NDUFA10: variants seen among roughly 807,000 people sequenced by gnomAD.
NDUFA10 encodes the protein NADH:ubiquinone oxidoreductase subunit A10.
In NDUFA10, 40 loss-of-function variants were observed where a neutral mutation model predicts 47.8. The ratio of observed to expected loss-of-function variants is 0.84; its 90% CI spans 0.65 to 1.09. The LOEUF (loss-of-function observed/expected upper bound fraction) is 1.09, where lower values mean the gene tolerates loss of function less well. NDUFA10 is among the 50% of genes least tolerant of loss of function. NDUFA10 has a pLI of 0.00. For missense variants in NDUFA10, 413 were observed against 451.1 expected, an observed-to-expected ratio of 0.92 and a Z score of 0.76; for synonymous variants, 183 against 172.2, an observed-to-expected ratio of 1.06 and a Z score of -0.49.
chr2:239,900,315 C>CATATATATAT (rs142452963), intron 4 of NDUFA10, among the ~76,000 whole-genome samples: 51 of 142,686 alleles, frequency 3.6e-4, no homozygotes, highest in African/African-American at 5.3e-4. Flanking sequence ...AACTCCCCTT[C>CATATATATAT]ATATATATAT....
intron 4 of NDUFA10, among the ~76,000 whole-genome samples, chr2:239,951,998 C>G (rs1367559774): frequency 6.6e-6 from 1 of 152,196 alleles, no homozygotes. Flanking sequence ...GGTGCTGTGG[C>G]ATGGGTCCTG....
intron 4 of NDUFA10, among the ~76,000 whole-genome samples, chr2:239,947,126 C>A (rs544161748): frequency 1.5e-4 from 23 of 152,316 alleles, no homozygotes; most frequent in Non-Finnish European, 2.8e-4. Flanking sequence ...TGCAGTGCAG[C>A]CCCTTCCTCA....
At chr2:239,923,705 A>G (rs1289368883) in intron 4 of NDUFA10, among the ~76,000 whole-genome samples, 1 of 152,160 alleles carries the variant, frequency 6.6e-6, no homozygotes, top group Non-Finnish European at 1.5e-5. Context: ...TAAGCTAGGA[A>G]AAAGGGCACA....
chr2:239,900,315 C>CATATATATATATATATATAT (rs142452963), intron 4 of NDUFA10, among the ~76,000 whole-genome samples: 8 of 142,634 alleles, frequency 5.6e-5, no homozygotes, highest in African/African-American at 2.1e-4. Flanking sequence ...AACTCCCCTT[C>CATATATATATATATATATAT]ATATATATAT....
chr2:239,974,470 G>A (rs6714823), intron 9 of NDUFA10, among the ~76,000 whole-genome samples: 2,316 of 152,318 alleles, frequency 0.015, 49 homozygotes, highest in African/African-American at 0.053. Flanking sequence ...GTGTACCCAT[G>A]TCACCAGCAT....
intron 4 of NDUFA10, among the ~76,000 whole-genome samples, chr2:239,935,642 CAT>C (rs112206373): frequency 2.6e-5 from 4 of 152,228 alleles, no homozygotes; most frequent in African/African-American, 4.8e-5. Context: ...ATAATTCCCA[CAT>C]GTTGTGGGAG....
At chr2:239,999,406 G>A (rs1170565773) in intron 8 of NDUFA10, among the ~76,000 whole-genome samples, 1 of 152,084 alleles carries the variant, frequency 6.6e-6, no homozygotes, top group Non-Finnish European at 1.5e-5. Flanking sequence ...GCATCCGAGG[G>A]GCTCTACTGC....
intron 9 of NDUFA10, among the ~76,000 whole-genome samples, chr2:239,984,911 G>A (rs1559354934): frequency 6.6e-6 from 1 of 152,176 alleles, no homozygotes; most frequent in East Asian, 1.9e-4. Flanking sequence ...CAAAAAGAAG[G>A]GACCCTGGCA....
chr2:239,911,417 T>C (rs1361350857), intron 4 of NDUFA10, among the ~76,000 whole-genome samples: 3 of 152,134 alleles, frequency 2.0e-5, no homozygotes, highest in African/African-American at 7.2e-5. Flanking sequence ...GACTGGGGCA[T>C]GCACATTCAT....
intron 5 of NDUFA10, chr2:240,012,797 G>A (rs1375324942): frequency 6.6e-6 from 1 of 152,202 alleles, no homozygotes; most frequent in African/African-American, 2.4e-5. Context: ...TCTGTCAAAA[G>A]GGGGAAAGGC....
intron 4 of NDUFA10, among the ~76,000 whole-genome samples, chr2:239,924,385 G>C (rs1003818706): frequency 6.6e-6 from 1 of 151,874 alleles, no homozygotes; most frequent in South Asian, 2.1e-4. Flanking sequence ...TGCAAAGTAG[G>C]GTTCATTGAA....
intron 4 of NDUFA10, among the ~76,000 whole-genome samples, chr2:239,936,284 A>G (rs114457595): frequency 0.032 from 4,838 of 152,308 alleles, 116 homozygotes; most frequent in African/African-American, 0.064. Flanking sequence ...ATGGCAGGGC[A>G]GCAGGACATG....
chr2:240,004,605 G>C, intron 8 of NDUFA10, among the ~76,000 whole-genome samples: 1 of 151,278 alleles, frequency 6.6e-6, no homozygotes, highest in African/African-American at 2.4e-5. Flanking sequence ...TTCCGCCATG[G>C]CCTCCTCTCC....
At position 239,928,847 on chromosome 2, in the gene NDUFA10, C is replaced by T. The variant is rs965703541; in HGVS notation, c.295-33533G>A. Among the ~76,000 whole-genome samples, 7 of 152,202 alleles carry T rather than the reference C, an allele frequency of 4.6e-5. No homozygotes were observed. Among genetic ancestry groups the T allele is most frequent in the African/African-American group, 1.7e-4 (7 of 41,452 alleles). On this transcript the variant is annotated intron_variant, in intron 4 of 5. Transcript: ENST00000419408. The surrounding 1 kb of genome is among the most constrained non-coding windows in gnomAD (Gnocchi z 4.3). ...AGCCTGTGTGGTTGCTCCTTCACCC[C>T]ACTCCTCCCATCAGCGGATCCTCCG...
chr2:240,010,829 ACT>A (rs1432396409), intron 6 of NDUFA10, among the ~76,000 whole-genome samples: 2 of 151,684 alleles, frequency 1.3e-5, no homozygotes, highest in Non-Finnish European at 2.9e-5. Context: ...TAAAAATAAA[ACT>A]TTTTTTCTAA....
chr2:239,898,229 A>G (rs1456567079), intron 4 of NDUFA10, among the ~76,000 whole-genome samples: 6 of 152,218 alleles, frequency 3.9e-5, no homozygotes, highest in East Asian at 1.9e-4. Context: ...TGATGTTTAT[A>G]CCAAGGAGGT....
chr2:239,900,360 T>TA (rs1358118343), intron 4 of NDUFA10, among the ~76,000 whole-genome samples: 1 of 109,774 alleles, frequency 9.1e-6, no homozygotes, highest in Non-Finnish European at 1.9e-5. Context: ...ATATATATAT[T>TA]TATCCTATTA....
intron 4 of NDUFA10, among the ~76,000 whole-genome samples, chr2:239,934,970 C>T (rs1298420891): frequency 6.6e-6 from 1 of 152,194 alleles, no homozygotes; most frequent in Non-Finnish European, 1.5e-5. Flanking sequence ...CCTGGCCCTC[C>T]CCACTTTGCC....
chr2:240,014,324 C>T (rs963926128), intron 5 of NDUFA10: 46 of 303,884 alleles, frequency 1.5e-4, no homozygotes, highest in Non-Finnish European at 2.4e-4. Flanking sequence ...GCACGATTTG[C>T]GTTAAATAGA....
Sources: gnomAD v4.1 joint callset for allele counts (sites outside exome capture counted in the v4.1 genomes callset) on GRCh38, gnomAD v4.1.1 for gene constraint, Gnocchi (gnomAD v3.1) non-coding constraint, MANE v1.5 for transcripts, NCBI Gene and HGNC (gene_info 2026-07-23, HGNC 2026-07-21) for gene names.